MGAT4C: variants seen among roughly 807,000 people sequenced by gnomAD.
The protein encoded by MGAT4C is alpha-1,3-mannosyl-glycoprotein 4-beta-N-acetylglucosaminyltransferase C.
Under a neutral mutation model 40.1 loss-of-function variants are expected in MGAT4C, and 19 were observed. That is an observed-to-expected ratio of 0.47 (90% CI 0.33 to 0.70). MGAT4C has a LOEUF of 0.70. Ranked by LOEUF, MGAT4C falls within the 30% of genes least tolerant of loss-of-function variation. MGAT4C has a pLI of 0.02. For synonymous variants in MGAT4C, 181 were observed against 187.1 expected (o/e 0.97, Z 0.27); for missense variants, 491 against 563.2 (o/e 0.87, Z 1.30).
At chr12:86,289,731 C>A (rs919046021) in intron 4 of MGAT4C, among the ~76,000 whole-genome samples, 1 of 152,076 alleles carries the variant, frequency 6.6e-6, no homozygotes, top group Non-Finnish European at 1.5e-5. Flanking sequence ...TGTACAAATG[C>A]TACTAATTTT....
chr12:86,287,292 T>C (rs1015549322), intron 4 of MGAT4C, among the ~76,000 whole-genome samples: 2 of 152,208 alleles, frequency 1.3e-5, no homozygotes, highest in Non-Finnish European at 2.9e-5. Flanking sequence ...ATAGTCATTC[T>C]GACTGGTGTG....
intron 3 of MGAT4C, among the ~76,000 whole-genome samples, chr12:86,336,684 G>C (rs1345737282): frequency 6.6e-6 from 1 of 152,070 alleles, no homozygotes; most frequent in East Asian, 1.9e-4. Flanking sequence ...ACTCCAGGAG[G>C]ACATCAGCAC....
At chr12:86,524,848 T>A (rs1236373572) in intron 2 of MGAT4C, among the ~76,000 whole-genome samples, 1 of 152,198 alleles carries the variant, frequency 6.6e-6, no homozygotes. Flanking sequence ...CTTTGCTTCA[T>A]CTATTTTGCT....
At chr12:86,015,709 A>G (rs964535924) in intron 2 of MGAT4C, 6 of 152,158 alleles carry the variant, frequency 3.9e-5, no homozygotes, top group African/African-American at 1.2e-4. Flanking sequence ...GTCAACTCCA[A>G]TGGTCCCCTC....
intron 2 of MGAT4C, among the ~76,000 whole-genome samples, chr12:86,671,064 G>A (rs1269419259): frequency 6.6e-6 from 1 of 152,140 alleles, no homozygotes; most frequent in Non-Finnish European, 1.5e-5. Context: ...CTCAATTGCT[G>A]AAAATGTCAA....
In MGAT4C at chr12:86,763,121, T is replaced by C. The variant is rs535228965; in HGVS notation, c.-261-35880A>G. 3.7e-4 allele frequency among the ~76,000 whole-genome samples: 56 copies of C among 152,334 alleles called. 1 individual carries two copies. Among genetic ancestry groups the C allele is most frequent in the African/African-American group, 1.3e-3 (55 of 41,586 alleles). ...TGAAGTACAAGTTCATGTTCCTGTT[T>C]TATTTTACTTGAAATCATAAAGAGA... On this transcript the variant is annotated intron_variant, in intron 1 of 7. Transcript: ENST00000548651.
At chr12:86,805,642 T>A (rs1038879935) in intron 1 of MGAT4C, among the ~76,000 whole-genome samples, 1 of 152,030 alleles carries the variant, frequency 6.6e-6, no homozygotes, top group Non-Finnish European at 1.5e-5. Context: ...GTTGATTTCA[T>A]GTCTCTGCTT....
At chr12:86,215,923 T>C (rs1327445684) in intron 1 of MGAT4C, among the ~76,000 whole-genome samples, 1 of 152,114 alleles carries the variant, frequency 6.6e-6, no homozygotes, top group Non-Finnish European at 1.5e-5. Context: ...ACAGATTTGC[T>C]TTTTGTTCTT....
chr12:86,532,647 T>C (rs1592958376), intron 2 of MGAT4C, among the ~76,000 whole-genome samples: 1 of 152,044 alleles, frequency 6.6e-6, no homozygotes, highest in East Asian at 1.9e-4. Flanking sequence ...ATTAAGGCAA[T>C]AGTATGGATT....
chr12:86,325,690 C>A (rs906476536), intron 4 of MGAT4C, among the ~76,000 whole-genome samples: 1 of 152,018 alleles, frequency 6.6e-6, no homozygotes, highest in African/African-American at 2.4e-5. Flanking sequence ...CCAGCCTGGG[C>A]AATATGTCAA....
intron 1 of MGAT4C, among the ~76,000 whole-genome samples, chr12:86,135,275 A>G (rs1881776650): frequency 6.6e-6 from 1 of 152,168 alleles, no homozygotes; most frequent in Admixed American, 6.5e-5. Flanking sequence ...CTGAAGATCA[A>G]GGAGGACAGG....
At chr12:86,415,130 C>T (rs564931838) in intron 3 of MGAT4C, among the ~76,000 whole-genome samples, 9 of 151,920 alleles carry the variant, frequency 5.9e-5, no homozygotes, top group Admixed American at 1.3e-4. Context: ...AAGGTGACAC[C>T]GGGACCTCAA....
chr12:86,729,186 T>A (rs969823538), intron 1 of MGAT4C, among the ~76,000 whole-genome samples: 1 of 152,146 alleles, frequency 6.6e-6, no homozygotes, highest in Non-Finnish European at 1.5e-5. Context: ...ATCATTTAAT[T>A]GTACATTTAA....
intron 2 of MGAT4C, among the ~76,000 whole-genome samples, chr12:86,611,449 A>AGACAGAT (rs1962268221): frequency 9.4e-6 from 1 of 106,350 alleles, no homozygotes; most frequent in Non-Finnish European, 2.0e-5. Flanking sequence ...ATAGATAGAT[A>AGACAGAT]GATAGATGAT....
chr12:86,133,516 T>C (rs1881534642), intron 1 of MGAT4C, among the ~76,000 whole-genome samples: 1 of 152,214 alleles, frequency 6.6e-6, no homozygotes, highest in South Asian at 2.1e-4. Flanking sequence ...TTATCTTTTA[T>C]GAAGATTCCT....
chr12:86,107,815 G>A lies in MGAT4C; in HGVS notation c.-56-58092C>T, dbSNP rs528305610. On this transcript the variant is annotated intron_variant, in intron 1 of 4. Coordinates refer to ENST00000611864, the MANE Select transcript of MGAT4C (RefSeq NM_001351288.2). Reference sequence around the variant, plus strand: ...GAAATTTCCAATAAATCTATTGAAAGTGCTTATTTTAAATGACTAAAAATT... The same window carrying A: ...GAAATTTCCAATAAATCTATTGAAAATGCTTATTTTAAATGACTAAAAATT... 5.9e-5 allele frequency among the ~76,000 whole-genome samples: 9 copies of A among 152,212 alleles called. No homozygotes were observed. The South Asian group carries it at 1.5e-3, about 25-fold the overall frequency.
At position 86,308,347 on chromosome 12, in the gene MGAT4C, G is replaced by T. The variant is rs1337766395; in HGVS notation, c.-57+25718C>A. Among the ~76,000 whole-genome samples the T allele has an allele frequency of 4.7e-5, 7 of 150,482 alleles. No homozygotes were observed. The East Asian group carries it at 1.4e-3, about 29-fold the overall frequency. On this transcript the variant is annotated intron_variant, in intron 4 of 7. Coordinates refer to the MGAT4C transcript ENST00000548651. The stretch of plus-strand genomic sequence containing the variant: ...CAAATAAAACAGCAACACTATTCCT[G>T]CTGTGCTGAGAGTTTTTATATCAGT...
intron 1 of MGAT4C, among the ~76,000 whole-genome samples, chr12:86,236,010 A>T (rs1433405902): frequency 6.6e-6 from 1 of 152,122 alleles, no homozygotes. Flanking sequence ...ATTATGTCAC[A>T]GCTGTATACA....
At chr12:86,227,720 A>G (rs897335722) in intron 1 of MGAT4C, among the ~76,000 whole-genome samples, 2 of 152,070 alleles carry the variant, frequency 1.3e-5, no homozygotes, top group African/African-American at 4.8e-5. Flanking sequence ...AATGTATTTG[A>G]GAGGATACAG....
Sources: gnomAD v4.1 joint callset for allele counts (sites outside exome capture counted in the v4.1 genomes callset) on GRCh38, gnomAD v4.1.1 for gene constraint, MANE v1.5 for transcripts, NCBI Gene and HGNC (gene_info 2026-07-23, HGNC 2026-07-21) for gene names.